GPC5: variants seen among roughly 807,000 people sequenced by gnomAD.
The protein encoded by GPC5 is glypican 5, also known as glypican-5.
A neutral mutation model predicts 53.9 loss-of-function variants in GPC5; 47 were observed. That is an observed-to-expected ratio of 0.87 (90% CI 0.69 to 1.11). The LOEUF (loss-of-function observed/expected upper bound fraction) is 1.11. Among genes scored for constraint, GPC5 ranks in the 50% most tolerant of loss-of-function variants. The probability of loss-of-function intolerance (pLI) is 0.00; values close to 1 mark genes in which losing one functional copy is unlikely to be tolerated. For synonymous variants in GPC5, 286 were observed against 263.3 expected (o/e 1.09, Z -0.84); for missense variants, 748 against 713.1 (o/e 1.05, Z -0.56).
intron 2 of GPC5, among the ~76,000 whole-genome samples, chr13:91,484,083 C>T (rs1594148725): frequency 6.6e-6 from 1 of 152,222 alleles, no homozygotes; most frequent in Non-Finnish European, 1.5e-5. Context: ...GTAGAACGTA[C>T]TTTTTTTAAA....
intron 7 of GPC5, among the ~76,000 whole-genome samples, chr13:92,355,945 C>T (rs1231145652): frequency 2.0e-5 from 3 of 146,570 alleles, no homozygotes; most frequent in East Asian, 4.1e-4. Context: ...TACTTAGACT[C>T]ACATCGTCTC....
intron 4 of GPC5, among the ~76,000 whole-genome samples, chr13:91,741,261 T>G (rs1465418193): frequency 6.6e-6 from 1 of 152,204 alleles, no homozygotes; most frequent in Non-Finnish European, 1.5e-5. Flanking sequence ...TATTATATCA[T>G]TAGACATTTC....
At chr13:92,121,566 C>T (rs2041649551) in intron 6 of GPC5, among the ~76,000 whole-genome samples, 1 of 152,184 alleles carries the variant, frequency 6.6e-6, no homozygotes, top group Non-Finnish European at 1.5e-5. Context: ...TAGCTGTTCC[C>T]ATATGCAACT....
At chr13:92,259,636 A>C (rs1346125883) in intron 7 of GPC5, among the ~76,000 whole-genome samples, 1 of 152,100 alleles carries the variant, frequency 6.6e-6, no homozygotes, top group Non-Finnish European at 1.5e-5. Flanking sequence ...AATTAAAGAG[A>C]GAGTGTGGGG....
At chr13:91,799,895 T>G (rs1255700317) in intron 5 of GPC5, among the ~76,000 whole-genome samples, 4 of 152,132 alleles carry the variant, frequency 2.6e-5, no homozygotes, top group Non-Finnish European at 4.4e-5. Flanking sequence ...TTTATTAATA[T>G]TTAAGATTCT....
chr13:92,395,173 A>G (rs1470528442), intron 7 of GPC5, among the ~76,000 whole-genome samples: 4 of 152,134 alleles, frequency 2.6e-5, no homozygotes, highest in East Asian at 1.9e-4. Flanking sequence ...TGCTTGTTAC[A>G]TGCTCCTCTC....
intron 7 of GPC5, among the ~76,000 whole-genome samples, chr13:92,374,857 A>T (rs1396533282): frequency 1.4e-5 from 2 of 147,534 alleles, no homozygotes; most frequent in African/African-American, 5.2e-5. Context: ...GTATAATAAA[A>T]AAAAAAAAAT....
At chr13:91,998,965 C>T (rs1409885727) in intron 6 of GPC5, among the ~76,000 whole-genome samples, 1 of 152,178 alleles carries the variant, frequency 6.6e-6, no homozygotes. Flanking sequence ...TTCCCTGAGT[C>T]TTTCTTACTA....
intron 5 of GPC5, among the ~76,000 whole-genome samples, chr13:91,868,909 T>C (rs912687383): frequency 2.6e-5 from 4 of 152,132 alleles, no homozygotes; most frequent in East Asian, 1.9e-4. Context: ...TCCTTAGTTA[T>C]GCAAGACGGA....
intron 2 of GPC5, among the ~76,000 whole-genome samples, chr13:91,644,240 A>G (rs2034505021): frequency 6.6e-6 from 1 of 152,062 alleles, no homozygotes; most frequent in Non-Finnish European, 1.5e-5. Context: ...AGATCTTTAT[A>G]TATATGAAAT....
chr13:92,430,463 G>A (rs1047078512), intron 7 of GPC5, among the ~76,000 whole-genome samples: 1 of 152,116 alleles, frequency 6.6e-6, no homozygotes, highest in African/African-American at 2.4e-5. Flanking sequence ...AGTTATTTGA[G>A]AATTAAATGC....
At chr13:92,078,614 A>G (rs1475635995) in intron 6 of GPC5, among the ~76,000 whole-genome samples, 1 of 152,138 alleles carries the variant, frequency 6.6e-6, no homozygotes, top group Non-Finnish European at 1.5e-5. Flanking sequence ...ATCTTTAATC[A>G]TACTTGTCAG....
chr13:92,215,391 A>G (rs1187585313), intron 7 of GPC5, among the ~76,000 whole-genome samples: 3 of 152,226 alleles, frequency 2.0e-5, no homozygotes, highest in East Asian at 3.8e-4. Context: ...GAACAATTCA[A>G]TGGAATAATT....
Position 92,249,661 on chromosome 13 carries a change from T to A in GPC5, c.1561+104672T>A, listed in dbSNP as rs9584005. ...TTTAGTGGGGGGGTTGATGGCATGC[T>A]CAATGGTTTAGTATATTTGAGTTAG... On this transcript the variant is annotated intron_variant, in intron 7 of 7. Transcript: ENST00000377067. Among the ~76,000 whole-genome samples the A allele has an allele frequency of 3.8e-3, 584 of 151,892 alleles. 3 individuals carry two copies. The highest frequency in any genetic ancestry group is 0.013 in the African/African-American group (518 of 41,424).
chr13:91,541,843 T>TCATAACAGA (rs141146615), intron 2 of GPC5, among the ~76,000 whole-genome samples: 4 of 151,172 alleles, frequency 2.6e-5, no homozygotes, highest in South Asian at 4.2e-4. Context: ...AAAGCAGTGA[T>TCATAACAGA]CATTCTTATT....
chr13:91,607,415 G>C (rs1178344587), intron 2 of GPC5, among the ~76,000 whole-genome samples: 1 of 152,122 alleles, frequency 6.6e-6, no homozygotes, highest in Non-Finnish European at 1.5e-5. Context: ...ACTTGGAGAC[G>C]TGCTTGCCTA....
At chr13:91,464,326 A>G (rs1281652622) in intron 2 of GPC5, among the ~76,000 whole-genome samples, 2 of 152,170 alleles carry the variant, frequency 1.3e-5, no homozygotes, top group African/African-American at 2.4e-5. Context: ...AGTTTCTATT[A>G]AAATTAAACC....
At chr13:92,695,606 G>C (rs1161130334) in intron 7 of GPC5, among the ~76,000 whole-genome samples, 1 of 151,946 alleles carries the variant, frequency 6.6e-6, no homozygotes, top group East Asian at 1.9e-4. Flanking sequence ...CTTAATTAAA[G>C]GGAATGCCCT....
chr13:91,772,569 A>T (rs2037643277), intron 5 of GPC5, among the ~76,000 whole-genome samples: 1 of 152,212 alleles, frequency 6.6e-6, no homozygotes, highest in Non-Finnish European at 1.5e-5. Flanking sequence ...ATTTGTCAAG[A>T]ATATAGGTAT....
Sources: allele counts gnomAD v4.1 joint callset (sites outside exome capture counted in the v4.1 genomes callset), GRCh38; gene constraint gnomAD v4.1.1; transcripts MANE v1.5; gene names NCBI Gene and HGNC (gene_info 2026-07-23, HGNC 2026-07-21).